The following RYR2 variants were observed in gnomAD, a reference collection of about 807,000 sequenced individuals.
RYR2 encodes the protein ryanodine receptor 2.
In RYR2, 227 loss-of-function variants were observed where a neutral mutation model predicts 601.1. The observed-to-expected ratio is 0.38, with a 90% CI of 0.34 to 0.42. The LOEUF (loss-of-function observed/expected upper bound fraction) is 0.42, where lower values mean the gene tolerates loss of function less well. Among genes scored for constraint, RYR2 ranks in the 10% least tolerant of loss-of-function variants. The pLI is 1.00. For synonymous variants in RYR2, 2,223 were observed against 2,175.1 expected, an observed-to-expected ratio of 1.02 and a Z score of -0.61; for missense variants, 4,646 against 6,156.5, an observed-to-expected ratio of 0.75 and a Z score of 8.21.
At chr1:237,481,471 T>C (rs2150364625) in intron 17 of RYR2, among the ~76,000 whole-genome samples, 1 of 152,314 alleles carries the variant, frequency 6.6e-6, no homozygotes, top group Non-Finnish European at 1.5e-5. Flanking sequence ...AATTATGCTA[T>C]ATATTGACTC....
chr1:237,090,262 T>C (rs984621082), intron 1 of RYR2, among the ~76,000 whole-genome samples: 1 of 152,158 alleles, frequency 6.6e-6, no homozygotes, highest in Non-Finnish European at 1.5e-5. Flanking sequence ...CCTCCATGGA[T>C]GTCCATATTC....
intron 17 of RYR2, among the ~76,000 whole-genome samples, chr1:237,469,972 A>G (rs1447804455): frequency 6.6e-6 from 1 of 152,190 alleles, no homozygotes; most frequent in Non-Finnish European, 1.5e-5. Context: ...AACTTGTTAG[A>G]GCTCTCTAGC....
intron 1 of RYR2, among the ~76,000 whole-genome samples, chr1:237,262,245 G>GTTT (rs386370106): frequency 0.013 from 822 of 61,032 alleles, 161 homozygotes; most frequent in East Asian, 0.031. Flanking sequence ...GTTCTAAAGA[G>GTTT]TTTTTTTTTT....
chr1:237,188,930 C>T (rs1483939522), intron 1 of RYR2, among the ~76,000 whole-genome samples: 1 of 152,180 alleles, frequency 6.6e-6, no homozygotes, highest in Non-Finnish European at 1.5e-5. Context: ...TAGCCATCCT[C>T]AGGCATATAA....
At chr1:237,468,069 A>G (rs1660281088) in intron 16 of RYR2, among the ~76,000 whole-genome samples, 1 of 152,018 alleles carries the variant, frequency 6.6e-6, no homozygotes, top group African/African-American at 2.4e-5. Context: ...TGTGTTGGTC[A>G]GGCTGGTCTT....
chr1:237,700,221 C>CT lies in RYR2; in HGVS notation c.9129-5dup. 6.7e-7 allele frequency: 1 copy of CT among 1,503,342 alleles called. No individual in the cohort carries two copies. The highest frequency in any genetic ancestry group is 1.2e-5 in the South Asian group (1 of 82,328). The allele number at this position is 1,503,342 out of a possible 1,614,324, so 93.1% of individuals were successfully genotyped here. A position where few individuals can be genotyped will look rare whatever the true frequency, so the allele number is the denominator to read the frequency against. ...GAAGATACGAGTCCTCCCTTATTTA[C>CT]TTTCTAGGACAGTGATGAAGACTGG... On this transcript the variant is annotated splice_polypyrimidine_tract_variant and splice_region_variant and intron_variant, in intron 64 of 104. Coordinates refer to ENST00000366574, the MANE Select transcript of RYR2 (RefSeq NM_001035.3).
intron 87 of RYR2, among the ~76,000 whole-genome samples, chr1:237,774,711 C>T (rs1252243776): frequency 1.3e-5 from 2 of 152,102 alleles, no homozygotes; most frequent in African/African-American, 2.4e-5. Flanking sequence ...CCATTATTGC[C>T]TTAGTATTCT....
chr1:237,643,909 C>T (rs963492185), intron 48 of RYR2, among the ~76,000 whole-genome samples: 2 of 152,086 alleles, frequency 1.3e-5, no homozygotes, highest in Admixed American at 6.5e-5. Context: ...CCACCGCATC[C>T]AGACTTTTTT....
chr1:237,592,927 A>G (rs907607100), intron 32 of RYR2, among the ~76,000 whole-genome samples: 14 of 151,480 alleles, frequency 9.2e-5, no homozygotes, highest in Admixed American at 2.0e-4. Context: ...AGGCTGAGGC[A>G]GGAGAATCTC....
intron 1 of RYR2, among the ~76,000 whole-genome samples, chr1:237,249,668 A>G (rs1687255593): frequency 6.6e-6 from 1 of 152,212 alleles, no homozygotes; most frequent in Non-Finnish European, 1.5e-5. Context: ...CTCCTAGTTC[A>G]GAGTTCTTTC....
intron 1 of RYR2, among the ~76,000 whole-genome samples, chr1:237,141,437 C>T (rs1673380428): frequency 1.3e-5 from 2 of 151,748 alleles, no homozygotes; most frequent in South Asian, 2.1e-4. Flanking sequence ...CCTAATGAGG[C>T]GTCCCCCAAA....
chr1:237,657,975 A>G lies in RYR2; in HGVS notation c.8161A>G (p.Ile2721Val), dbSNP rs1683414602. Residue 2721 changes from isoleucine (I) to valine (V), a missense_variant, in exon 54 of 105, where the codon ATT becomes GTT. This residue lies in a region of RYR2 where 1,497 missense variants were observed against 1,842.6 expected (regional missense o/e 0.81). Transcript: ENST00000366574. ...AATTCCTGAGAAATTGGAATACTTC[A>G]TTAACAAATATGCAGAACACTCCCA... is the stretch of plus-strand genomic sequence containing the variant. ...ITIPEKLEYF[I>V]NKYAEHSHDK... is the part of the protein sequence containing the mutation. The G allele has an allele frequency of 6.6e-7, 1 of 1,519,568 alleles. No homozygotes were observed. The highest frequency in any genetic ancestry group is 8.8e-7 in the Non-Finnish European group (1 of 1,131,426). The allele number at this position is 1,519,568 out of a possible 1,614,324, so 94.1% of individuals were successfully genotyped here.
At chr1:237,438,754 G>A (rs1572334218) in intron 12 of RYR2, among the ~76,000 whole-genome samples, 4 of 152,296 alleles carry the variant, frequency 2.6e-5, no homozygotes, top group South Asian at 4.1e-4. Context: ...AGACAGATTG[G>A]GCACTGCATG....
At chr1:237,115,336 A>G (rs990603240) in intron 1 of RYR2, among the ~76,000 whole-genome samples, 1 of 152,116 alleles carries the variant, frequency 6.6e-6, no homozygotes, top group African/African-American at 2.4e-5. Flanking sequence ...GGTCTTTGAT[A>G]GGCTTGGAGG....
At chr1:237,802,210 T>C (rs1429085504) in intron 98 of RYR2, 1 of 224,154 alleles carries the variant, frequency 4.5e-6, no homozygotes, top group African/African-American at 2.3e-5. Flanking sequence ...GTTTTATAGA[T>C]GTTAAAAAGA....
At chr1:237,394,704 C>T (rs948465058) in intron 10 of RYR2, among the ~76,000 whole-genome samples, 4 of 152,204 alleles carry the variant, frequency 2.6e-5, no homozygotes, top group African/African-American at 9.6e-5. Flanking sequence ...ATAGCCCAGA[C>T]ATCTTTGGCA....
chr1:237,467,825 C>A (rs1023155336), intron 16 of RYR2, among the ~76,000 whole-genome samples: 8 of 151,190 alleles, frequency 5.3e-5, no homozygotes, highest in African/African-American at 1.9e-4. Context: ...TTCACTACTT[C>A]AAACGCTTGC....
At chr1:237,700,640 C>G (rs772749575) in intron 65 of RYR2, among the ~76,000 whole-genome samples, 173 bp downstream of exon 65, 1 of 152,086 alleles carries the variant, frequency 6.6e-6, no homozygotes, top group Non-Finnish European at 1.5e-5. Flanking sequence ...ACCATTCTTA[C>G]AGAAATAGAT....
rs1181460953 is a variant in RYR2, at chr1:237,129,743, A to G, written c.48+87174A>G. On this transcript the variant is annotated intron_variant, in intron 1 of 104. Coordinates refer to ENST00000366574, the MANE Select transcript of RYR2 (RefSeq NM_001035.3). Reference sequence around the variant, plus strand: ...ATATAGTATAATAGTATAATGAAATACTATTCAGCCATAAAAAAGAATGAA... The same window carrying G: ...ATATAGTATAATAGTATAATGAAATGCTATTCAGCCATAAAAAAGAATGAA... 2.0e-5 allele frequency among the ~76,000 whole-genome samples: 3 copies of G among 151,320 alleles called. No individual in the cohort carries two copies. In the South Asian group the frequency reaches 6.2e-4, roughly 31 times the overall value.
Sources: gnomAD v4.1 joint callset for allele counts (sites outside exome capture counted in the v4.1 genomes callset) on GRCh38, gnomAD v4.1.1 for gene constraint, gnomAD v4.1.1 regional missense constraint, MANE v1.5 for transcripts, NCBI Gene and HGNC (gene_info 2026-07-23, HGNC 2026-07-21) for gene names.